The following XPO4 variants were observed in gnomAD, a reference collection of about 807,000 sequenced individuals.
XPO4 encodes exportin 4, also known as exportin-4.
XPO4 carries 39 observed loss-of-function variants against 143.0 expected under a neutral mutation model. That is an observed-to-expected ratio of 0.27 (90% CI 0.21 to 0.36). XPO4 has a LOEUF of 0.36. XPO4 is among the 10% of genes least tolerant of loss of function. The pLI is 1.00. For missense variants in XPO4, 907 were observed against 1,348.0 expected (o/e 0.67, Z 5.12); for synonymous variants, 439 against 474.0 (o/e 0.93, Z 0.96).
chr13:20,879,431 C>T, intron 1 of XPO4: 1 of 578,138 alleles, frequency 1.7e-6, no homozygotes. Context: ...AGGTCTCTTG[C>T]CCATCACAAC....
At chr13:20,876,444 G>A (rs547119160) in intron 1 of XPO4, among the ~76,000 whole-genome samples, 25 of 152,148 alleles carry the variant, frequency 1.6e-4, no homozygotes, top group South Asian at 6.2e-4. Context: ...AAAATAGACT[G>A]TATAGTCTGT....
intron 3 of XPO4, chr13:20,856,430 G>A (rs2060144905): frequency 6.1e-6 from 5 of 819,294 alleles, no homozygotes; most frequent in African/African-American, 3.7e-5. Context: ...GACCACAAGG[G>A]CACAGAAACT....
At chr13:20,856,846 C>A in intron 3 of XPO4, 1 of 985,304 alleles carries the variant, frequency 1.0e-6, no homozygotes, top group African/African-American at 1.7e-5. Context: ...AAGATTATGA[C>A]GTCACTTTCT....
At chr13:20,863,124 C>A in intron 2 of XPO4, 1 of 1,117,228 alleles carries the variant, frequency 9.0e-7, no homozygotes, top group South Asian at 4.0e-5. Flanking sequence ...GCATGAAGAA[C>A]TAAAAAATAA....
chr13:20,833,849 G>A (rs2059882121), intron 6 of XPO4, among the ~76,000 whole-genome samples: 3 of 152,298 alleles, frequency 2.0e-5, no homozygotes, highest in Non-Finnish European at 4.4e-5. Flanking sequence ...GCTGGCCTGT[G>A]AGTGCAGCTC....
intron 1 of XPO4, among the ~76,000 whole-genome samples, chr13:20,894,659 T>C (rs948131913): frequency 4.6e-5 from 7 of 151,574 alleles, no homozygotes; most frequent in African/African-American, 1.7e-4. Context: ...CTGGCCAACA[T>C]GGTAAAACCC....
chr13:20,827,767 T>A (rs1482272073), intron 6 of XPO4, among the ~76,000 whole-genome samples: 1 of 152,236 alleles, frequency 6.6e-6, no homozygotes, highest in Non-Finnish European at 1.5e-5. Flanking sequence ...ACTTTATAGA[T>A]GCTTATTTAA....
At chr13:20,801,021 TTTTA>T in intron 13 of XPO4, 31 bp from the exon 14 acceptor site, 1 of 1,595,536 alleles carries the variant, frequency 6.3e-7, no homozygotes, top group Non-Finnish European at 8.5e-7. Context: ...TCATTTATTC[TTTTA>T]TTTATTTAGT....
intron 22 of XPO4, among the ~76,000 whole-genome samples, chr13:20,786,288 T>G (rs577275783): frequency 8.9e-6 from 1 of 112,786 alleles, no homozygotes; most frequent in Non-Finnish European, 1.8e-5. Flanking sequence ...GGGAGGTATA[T>G]ATATATATAC....
chr13:20,899,483 C>A (rs183756162), intron 1 of XPO4, among the ~76,000 whole-genome samples: 1 of 152,246 alleles, frequency 6.6e-6, no homozygotes, highest in East Asian at 1.9e-4. Flanking sequence ...GTTTCCCCAT[C>A]TGTAGCATAG....
chr13:20,869,236 A>G (rs1020541228), intron 1 of XPO4, among the ~76,000 whole-genome samples: 4 of 152,152 alleles, frequency 2.6e-5, no homozygotes, highest in Admixed American at 2.0e-4. Context: ...GAATTTATGA[A>G]ATGTATTTCT....
intron 13 of XPO4, among the ~76,000 whole-genome samples, chr13:20,806,737 G>C (rs2059512502): frequency 6.6e-6 from 1 of 151,662 alleles, no homozygotes; most frequent in East Asian, 1.9e-4. Flanking sequence ...AGGTTTAGTA[G>C]AGACAGGGTT....
rs1257743275 is a variant in XPO4, at chr13:20,799,291, C to T, written c.2196G>A (p.Gln732=). 2.5e-6 allele frequency: 4 copies of T among 1,614,100 alleles called. No individual in the cohort carries two copies. Among genetic ancestry groups the T allele is most frequent in the Non-Finnish European group, 3.4e-6 (4 of 1,179,954 alleles). The change falls in exon 16 of 23, where the codon CAG becomes CAA. Residue 732 remains glutamine, a synonymous_variant. Transcript: ENST00000255305. ...TAAGAGGTGGGCTTCGGCTTGCAAACTGCTTAGCTAAATTCCACCAGTTCT... is the reference window on the plus strand; with the variant it reads ...TAAGAGGTGGGCTTCGGCTTGCAAATTGCTTAGCTAAATTCCACCAGTTCT... ...QCENWWNLAK[Q]FASRSPPLNF...
At chr13:20,889,001 C>G (rs1217846231) in intron 1 of XPO4, among the ~76,000 whole-genome samples, 1 of 151,932 alleles carries the variant, frequency 6.6e-6, no homozygotes, top group African/African-American at 2.4e-5. Flanking sequence ...TTAGTAGAGA[C>G]GAGATTTCAC....
In XPO4 at chr13:20,888,807, CT is replaced by C. The variant is rs887901371; in HGVS notation, c.69+13862del. ...GTCAGAGGATGAAGGCAAAAAGACACTTTTTTTTTTTTTTGAGACAGTTTCG... is the reference window on the plus strand; with the variant it reads ...GTCAGAGGATGAAGGCAAAAAGACACTTTTTTTTTTTTTGAGACAGTTTCG... On this transcript the variant is annotated intron_variant, in intron 1 of 22. Coordinates refer to ENST00000255305, the MANE Select transcript of XPO4 (RefSeq NM_022459.5). Among the ~76,000 whole-genome samples the C allele has an allele frequency of 2.6e-3, 370 of 144,400 alleles. 1 individual carries two copies. Among genetic ancestry groups the C allele is most frequent in the East Asian group, 6.4e-3 (32 of 4,962 alleles). 94.7% of individuals were successfully genotyped at this position (144,400 alleles called of 152,430 possible). A position where few individuals can be genotyped will look rare whatever the true frequency, so the allele number is the denominator to read the frequency against.
At chr13:20,821,939 C>G in intron 8 of XPO4, 61 bp from the exon 9 acceptor site, 2 of 1,485,244 alleles carry the variant, frequency 1.3e-6, no homozygotes, top group Non-Finnish European at 1.8e-6. Flanking sequence ...AATATAATAA[C>G]TCATTTCCAA....
chr13:20,862,112 T>C (rs1447239479), intron 3 of XPO4, among the ~76,000 whole-genome samples: 1 of 152,138 alleles, frequency 6.6e-6, no homozygotes. Flanking sequence ...TATGTACACA[T>C]ATATGTAACA....
chr13:20,901,832 A>G (rs1392810623), intron 1 of XPO4, among the ~76,000 whole-genome samples: 1 of 152,240 alleles, frequency 6.6e-6, no homozygotes, highest in African/African-American at 2.4e-5. Flanking sequence ...AAACATCTAC[A>G]AACACCGAAG....
At chr13:20,789,671 G>C (rs987253233) in intron 19 of XPO4, among the ~76,000 whole-genome samples, 1 of 151,794 alleles carries the variant, frequency 6.6e-6, no homozygotes, top group Non-Finnish European at 1.5e-5. Context: ...GCCTCCAAAA[G>C]TGCTGGGATT....
Sources: allele counts gnomAD v4.1 joint callset (sites outside exome capture counted in the v4.1 genomes callset), GRCh38; gene constraint gnomAD v4.1.1; transcripts MANE v1.5; gene names NCBI Gene and HGNC (gene_info 2026-07-23, HGNC 2026-07-21).